The following DIPK1B variants were observed in gnomAD, a reference collection of about 807,000 sequenced individuals.
DIPK1B encodes the protein family with sequence similarity 69 member B.
Under a neutral mutation model 20.7 loss-of-function variants are expected in DIPK1B, and 17 were observed. That is an observed-to-expected ratio of 0.82 (90% CI 0.56 to 1.23). The LOEUF (loss-of-function observed/expected upper bound fraction) is 1.23, where lower values mean the gene tolerates loss of function less well. Among genes scored for constraint, DIPK1B ranks in the 50% most tolerant of loss-of-function variants. DIPK1B has a pLI of 0.00. For synonymous variants in DIPK1B, 343 were observed against 276.5 expected (o/e 1.24, Z -2.39); for missense variants, 648 against 601.8 (o/e 1.08, Z -0.80).
At chr9:136,722,722 A>C in intron 4 of DIPK1B, 2 of 596,468 alleles carry the variant, frequency 3.4e-6, no homozygotes, top group South Asian at 4.2e-5. Flanking sequence ...CCCCAGGTGC[A>C]CCCAAGGCTG....
Position 136,723,926 on chromosome 9 carries a change from A to G in DIPK1B, c.*152A>G, listed in dbSNP as rs1037024268. On this transcript the variant is annotated 3_prime_UTR_variant, in exon 5 of 5. Transcript: ENST00000371692. ...AGGGCTCTGGATTCCAGCACCACAGACATGAGACCCCAGCTCGGAGCAAAG... is the reference window on the plus strand; with the variant it reads ...AGGGCTCTGGATTCCAGCACCACAGGCATGAGACCCCAGCTCGGAGCAAAG... 1 of 791,968 alleles carries G rather than the reference A, an allele frequency of 1.3e-6. No individual in the cohort carries two copies. Among genetic ancestry groups the G allele is most frequent in the African/African-American group, 1.7e-5 (1 of 57,410 alleles). The allele number at this position is 791,968 out of a possible 1,614,324, so 49.1% of individuals were successfully genotyped here. A position where few individuals can be genotyped will look rare whatever the true frequency, so the allele number is the denominator to read the frequency against.
intron 2 of DIPK1B, among the ~76,000 whole-genome samples, chr9:136,719,251 C>G (rs1297694211): frequency 6.6e-6 from 1 of 152,150 alleles, no homozygotes; most frequent in African/African-American, 2.4e-5. Flanking sequence ...CCCCCACAAA[C>G]AAGAGGAAGC....
At chr9:136,720,479 C>CA (rs1846581058) in intron 2 of DIPK1B, among the ~76,000 whole-genome samples, 1 of 152,150 alleles carries the variant, frequency 6.6e-6, no homozygotes, top group African/African-American at 2.4e-5. Flanking sequence ...CTCCCCCCCC[C>CA]AGAGGGGCGG....
rs1342494232 is a variant in DIPK1B at position 136,712,770 on chromosome 9, TG to T, written c.63+46del. On this transcript the variant is annotated intron_variant, in intron 1 of 4. Coordinates refer to ENST00000371692, the MANE Select transcript of DIPK1B (RefSeq NM_152421.4). The surrounding 1 kb of genome is among the most constrained non-coding windows in gnomAD (Gnocchi z 5.6). ...CCCGCCGCCCCCGGCCGCCTCTGCC[TG>T]GGGAGGCCGAGCTCCAGCCCCGGAG... 4.7e-6 allele frequency: 6 copies of T among 1,279,484 alleles called. No homozygotes were observed. The highest frequency in any genetic ancestry group is 4.6e-5 in the South Asian group (2 of 43,648). 79.3% of individuals were successfully genotyped at this position (1,279,484 alleles called of 1,614,324 possible).
At chr9:136,719,141 ATGT>A (rs1846549405) in intron 2 of DIPK1B, among the ~76,000 whole-genome samples, 2 of 32,506 alleles carry the variant, frequency 6.2e-5, no homozygotes, top group Non-Finnish European at 1.1e-4. Flanking sequence ...CCGGGCCGGG[ATGT>A]TGTGGGTGGG....
At chr9:136,719,219 G>A (rs1846551152) in intron 2 of DIPK1B, among the ~76,000 whole-genome samples, 1 of 152,118 alleles carries the variant, frequency 6.6e-6, no homozygotes. Context: ...CTGGGTGCCG[G>A]GCCGCAAAGC....
intron 2 of DIPK1B, chr9:136,721,690 G>A: frequency 1.8e-6 from 1 of 543,776 alleles, no homozygotes. Flanking sequence ...AGCCAGGATG[G>A]TGGGGACGGG....
intron 4 of DIPK1B, 67 bp from the exon 5 acceptor site, chr9:136,722,895 A>G (rs1265483478): frequency 1.4e-6 from 2 of 1,464,630 alleles, no homozygotes; most frequent in East Asian, 2.4e-5. Flanking sequence ...GGACCAGGTA[A>G]AGGCCAGGTC....
chr9:136,717,547 C>A (rs1285098929), intron 1 of DIPK1B, 30 bp from the exon 2 acceptor site: 3 of 1,590,942 alleles, frequency 1.9e-6, no homozygotes, highest in African/African-American at 2.7e-5. Context: ...GCCCCGAGGG[C>A]ACCTCCTCAC....
chr9:136,722,894 A>T, intron 4 of DIPK1B, 68 bp from the exon 5 acceptor site: 2 of 1,458,824 alleles, frequency 1.4e-6, no homozygotes, highest in Non-Finnish European at 1.8e-6. Context: ...AGGACCAGGT[A>T]AAGGCCAGGT....
rs999484018 is a variant in DIPK1B, at chr9:136,723,256, C to G, written c.778C>G (p.Leu260Val). Reference protein sequence around the residue: ...PLLPPALQGALQQWLGPAWPW... With the variant: ...PLLPPALQGAVQQWLGPAWPW... ...GCTGCCGCCTGCCCTGCAGGGTGCT[C>G]TCCAGCAGTGGCTGGGGCCTGCGTG... is the stretch of plus-strand genomic sequence containing the variant. Residue 260 changes from leucine to valine, a missense_variant, in exon 5 of 5, where the codon CTC becomes GTC. By Grantham distance (32) the Leu-to-Val change is conservative. Coordinates refer to ENST00000371692, the MANE Select transcript of DIPK1B (RefSeq NM_152421.4). 3 of 1,612,658 alleles carry G rather than the reference C, an allele frequency of 1.9e-6. No individual in the cohort carries two copies. The highest frequency in any genetic ancestry group is 2.5e-6 in the Non-Finnish European group (3 of 1,179,752).
rs1487640781 is a variant in DIPK1B, at chr9:136,723,362, T to C, written c.884T>C (p.Met295Thr). The change falls in exon 5 of 5, where the codon ATG (methionine) becomes ACG (threonine). Residue 295 changes from methionine (M) to threonine (T), a missense_variant. By Grantham distance (81) the Met-to-Thr change is moderately conservative. Coordinates refer to ENST00000371692, the MANE Select transcript of DIPK1B (RefSeq NM_152421.4). ...CACGGCTCTTACGGGACTTTCTACA[T>C]GTGTGAGACCACACTGGCCAACGTG... is the stretch of plus-strand genomic sequence containing the variant. ...LFHGSYGTFY[M>T]CETTLANVGY... 14 of 1,613,342 alleles carry C rather than the reference T, an allele frequency of 8.7e-6. No homozygotes were observed. The highest frequency in any genetic ancestry group is 1.2e-5 in the Non-Finnish European group (14 of 1,179,828).
In DIPK1B at chr9:136,712,737, G is replaced by A. The variant is rs918744082; in HGVS notation, c.63+9G>A. 1 of 1,338,480 alleles carries A rather than the reference G, an allele frequency of 7.5e-7. No homozygotes were observed. The highest frequency in any genetic ancestry group is 3.1e-5 in the East Asian group (1 of 32,308). The allele number at this position is 1,338,480 out of a possible 1,614,324, so 82.9% of individuals were successfully genotyped here. A position where few individuals can be genotyped will look rare whatever the true frequency, so the allele number is the denominator to read the frequency against. ...TCTCCAAGCGCCTGCAGGTAAGCGC[G>A]GTGCGCGCCCGCCGCCCCCGGCCGC... is the stretch of plus-strand genomic sequence containing the variant. On this transcript the variant is annotated intron_variant, in intron 1 of 4. Coordinates refer to ENST00000371692, the MANE Select transcript of DIPK1B (RefSeq NM_152421.4). This position sits in a 1 kb window ranked among gnomAD's most constrained non-coding sequence, Gnocchi z 5.6.
intron 2 of DIPK1B, among the ~76,000 whole-genome samples, chr9:136,719,852 C>T (rs6560643): frequency 0.22 from 33,232 of 151,880 alleles, 3,718 homozygotes; most frequent in African/African-American, 0.24. Flanking sequence ...CCTGGGGCTC[C>T]GGGCACAGGG....
rs1405601858 is a variant in DIPK1B at position 136,724,659 on chromosome 9, G to GC, written c.*886dup. On this transcript the variant is annotated 3_prime_UTR_variant, in exon 5 of 5. Transcript: ENST00000371692. Reference sequence around the variant, plus strand: ...AGAAATATTATCCTTAAAGAAATGTGCATTTAAATCTTTTAATTCACTTCA... The same window carrying GC: ...AGAAATATTATCCTTAAAGAAATGTGCCATTTAAATCTTTTAATTCACTTCA... 2 of 152,210 alleles carry GC rather than the reference G, an allele frequency of 1.3e-5. No individual in the cohort carries two copies. The highest frequency in any genetic ancestry group is 2.9e-5 in the Non-Finnish European group (2 of 68,044). The allele number at this position is 152,210 out of a possible 1,614,324, so 9.4% of individuals were successfully genotyped here.
intron 2 of DIPK1B, chr9:136,721,196 GTC>G (rs1025071939): frequency 6.6e-6 from 1 of 152,344 alleles, no homozygotes; most frequent in Non-Finnish European, 1.5e-5. Context: ...TATGGCTCGT[GTC>G]TGACTCCTGT....
chr9:136,717,740 T>G (rs771753924), intron 2 of DIPK1B, 29 bp downstream of exon 2: 3 of 1,608,924 alleles, frequency 1.9e-6, no homozygotes, highest in Admixed American at 3.3e-5. Context: ...GGCTGGGGAC[T>G]GGGCCGTGCC....
chr9:136,720,370 A>C (rs1271709984), intron 2 of DIPK1B, among the ~76,000 whole-genome samples: 3 of 151,950 alleles, frequency 2.0e-5, no homozygotes, highest in Non-Finnish European at 2.9e-5. Flanking sequence ...CCTCCTCCCC[A>C]ACCCTGGAGG....
In DIPK1B at chr9:136,721,995, G is replaced by T. The variant is rs1484211334; in HGVS notation, c.273G>T (p.Trp91Cys). 1 of 1,613,574 alleles carries T rather than the reference G, an allele frequency of 6.2e-7. No homozygotes were observed. Among genetic ancestry groups the T allele is most frequent in the Admixed American group, 1.7e-5 (1 of 60,022 alleles). Residue 91 changes from tryptophan (W) to cysteine (C), a missense_variant, in exon 3 of 5, where the codon TGG becomes TGT. Transcript: ENST00000371692. Reference protein sequence around the residue: ...QDLCELHMVEWRTCLSVAPGQ... With the variant: ...QDLCELHMVECRTCLSVAPGQ... Reference sequence around the variant, plus strand: ...TGTGTGAGCTGCATATGGTGGAGTGGAGGACCTGCCTCTCGGTGGCCCCGG... The same window carrying T: ...TGTGTGAGCTGCATATGGTGGAGTGTAGGACCTGCCTCTCGGTGGCCCCGG...
Sources: allele counts gnomAD v4.1 joint callset (sites outside exome capture counted in the v4.1 genomes callset), GRCh38; gene constraint gnomAD v4.1.1; non-coding constraint Gnocchi (gnomAD v3.1); transcripts MANE v1.5; gene names NCBI Gene and HGNC (gene_info 2026-07-23, HGNC 2026-07-21).